The following NINJ2 variants were observed in gnomAD, a reference collection of about 807,000 sequenced individuals.
NINJ2 encodes ninjurin-2.
A neutral mutation model predicts 11.7 loss-of-function variants in NINJ2; 12 were observed. The ratio of observed to expected loss-of-function variants is 1.02; its 90% CI spans 0.66 to 1.66. The LOEUF (loss-of-function observed/expected upper bound fraction) is 1.66, where lower values mean the gene tolerates loss of function less well. Among genes scored for constraint, NINJ2 ranks in the 40% most tolerant of loss-of-function variants. The pLI is 0.00. For synonymous variants in NINJ2, 93 were observed against 76.8 expected, an observed-to-expected ratio of 1.21 and a Z score of -1.10; for missense variants, 187 against 181.8, an observed-to-expected ratio of 1.03 and a Z score of -0.16.
chr12:655,366 T>C (rs901754104), intron 1 of NINJ2, among the ~76,000 whole-genome samples: 2 of 152,096 alleles, frequency 1.3e-5, no homozygotes, highest in African/African-American at 4.8e-5. Context: ...ATGTAGAAAA[T>C]CTAAATGAAC....
At chr12:609,789 A>AAAAAAAAAAAAAAGG (rs71439346) in intron 1 of NINJ2, among the ~76,000 whole-genome samples, 1 of 116,628 alleles carries the variant, frequency 8.6e-6, no homozygotes, top group Non-Finnish European at 1.8e-5. Context: ...AAAAAAAAAT[A>AAAAAAAAAAAAAAGG]GGGAAAACAA....
rs1565616192 is a variant in NINJ2, at chr12:566,046, G to A, written c.166C>T (p.Gln56Ter). Reference protein sequence around the residue: ...NAMRLKAVLEQGPSSHYYTTL... With the variant: ...NAMRLKAVLE ...GTGTAGTAGTGAGAGGATGGTCCCT[G>A]CTCCAGCACCGCCTTCAGCCGCATG... The change falls in exon 2 of 4, where the codon CAG (glutamine) becomes TAG (stop). Residue 56 changes from glutamine (Q) to a stop codon, truncating the protein, a stop_gained. Coordinates refer to ENST00000305108, the MANE Select transcript of NINJ2 (RefSeq NM_016533.6). LOFTEE classifies it high-confidence loss of function. 1.2e-6 allele frequency: 2 copies of A among 1,614,092 alleles called. No individual in the cohort carries two copies. Among genetic ancestry groups the A allele is most frequent in the Non-Finnish European group, 1.7e-6 (2 of 1,180,038 alleles).
chr12:596,645 G>A (rs1947790239), intron 1 of NINJ2, among the ~76,000 whole-genome samples: 1 of 152,214 alleles, frequency 6.6e-6, no homozygotes, highest in South Asian at 2.1e-4. Context: ...GTGGCAAGCT[G>A]AGTGCGGTGG....
At chr12:595,252 A>G (rs1947769172) in intron 1 of NINJ2, among the ~76,000 whole-genome samples, 1 of 152,230 alleles carries the variant, frequency 6.6e-6, no homozygotes, top group African/African-American at 2.4e-5. Context: ...ACAGTAGCAT[A>G]GGAGGAAATC....
At chr12:656,827 T>A (rs969624610) in intron 1 of NINJ2, among the ~76,000 whole-genome samples, 3 of 151,242 alleles carry the variant, frequency 2.0e-5, no homozygotes, top group Admixed American at 2.0e-4. Context: ...AATAGATCAA[T>A]GGAACAGAAT....
intron 1 of NINJ2, among the ~76,000 whole-genome samples, chr12:616,595 C>A (rs1284979085): frequency 2.0e-5 from 3 of 152,208 alleles, no homozygotes; most frequent in African/African-American, 7.2e-5. Context: ...AGGAAACCCA[C>A]CCCATTCCCC....
chr12:648,996 G>GTCCA (rs1555167441), intron 1 of NINJ2, among the ~76,000 whole-genome samples: 3 of 148,912 alleles, frequency 2.0e-5, no homozygotes, highest in Admixed American at 6.7e-5. Flanking sequence ...CTATCTATCT[G>GTCCA]TCTATCTATC....
intron 1 of NINJ2, among the ~76,000 whole-genome samples, chr12:648,430 T>A (rs1163228454): frequency 6.6e-6 from 1 of 152,186 alleles, no homozygotes; most frequent in African/African-American, 2.4e-5. Flanking sequence ...AGATACCCAA[T>A]GCCATGAAGA....
intron 1 of NINJ2, among the ~76,000 whole-genome samples, chr12:600,608 T>C (rs1202938569): frequency 6.6e-6 from 1 of 151,416 alleles, no homozygotes; most frequent in Middle Eastern, 3.2e-3. Context: ...GGAGAAACAG[T>C]TTGAAATTAG....
intron 1 of NINJ2, among the ~76,000 whole-genome samples, chr12:647,010 A>C (rs939445500): frequency 1.3e-5 from 2 of 152,138 alleles, no homozygotes; most frequent in African/African-American, 4.8e-5. Flanking sequence ...GTGATGCTGC[A>C]GACTTTGGGC....
At chr12:619,077 G>C (rs1948124698) in intron 1 of NINJ2, among the ~76,000 whole-genome samples, 1 of 152,216 alleles carries the variant, frequency 6.6e-6, no homozygotes, top group African/African-American at 2.4e-5. Flanking sequence ...TAGTTGGGGA[G>C]TGAGGTGCCC....
chr12:617,713 C>G (rs543935231), intron 1 of NINJ2, among the ~76,000 whole-genome samples: 23 of 152,200 alleles, frequency 1.5e-4, no homozygotes, highest in Non-Finnish European at 3.1e-4. Flanking sequence ...CGCTCACTCC[C>G]CAGGACGTTC....
chr12:626,950 T>C (rs56203073), intron 1 of NINJ2, among the ~76,000 whole-genome samples: 22,349 of 152,050 alleles, frequency 0.15, 2,056 homozygotes, highest in South Asian at 0.26. Context: ...GCAGGTGTGG[T>C]AAGACATGCC....
intron 1 of NINJ2, among the ~76,000 whole-genome samples, chr12:601,858 A>G (rs546915025): frequency 5.3e-4 from 80 of 152,250 alleles, no homozygotes; most frequent in Non-Finnish European, 1.0e-3. Flanking sequence ...AGCCTGAGCG[A>G]TAGAGTGCGA....
rs1384702295 is a variant in NINJ2 at position 663,345 on chromosome 12, C to T, written c.16G>A (p.Glu6Lys). Residue 6 changes from glutamate to lysine, a missense_variant, in exon 1 of 4, where the codon GAA (glutamate) becomes AAA (lysine). By Grantham distance (56) the Glu-to-Lys change is moderately conservative. Transcript: ENST00000305108. The part of the protein sequence containing the change: MESAR[E>K]NIDLQPGSSD... ...GAACTTACTTGAAGGTCGATGTTTT[C>T]TCTTGCTGATTCCATCTCGCTGCCC... 2.5e-6 allele frequency: 4 copies of T among 1,614,204 alleles called. No individual in the cohort carries two copies. The highest frequency in any genetic ancestry group is 3.4e-6 in the Non-Finnish European group (4 of 1,180,030).
At chr12:635,242 G>T (rs960359963) in intron 1 of NINJ2, among the ~76,000 whole-genome samples, 1 of 151,938 alleles carries the variant, frequency 6.6e-6, no homozygotes, top group Non-Finnish European at 1.5e-5. Flanking sequence ...GTAGAAACAG[G>T]GTTTCGCCAT....
chr12:608,429 T>C (rs1947967172), intron 1 of NINJ2, among the ~76,000 whole-genome samples: 1 of 152,208 alleles, frequency 6.6e-6, no homozygotes, highest in Admixed American at 6.5e-5. Flanking sequence ...ATATTTTAAT[T>C]CATCTACTTC....
At chr12:619,199 G>A (rs143380952) in intron 1 of NINJ2, among the ~76,000 whole-genome samples, 26 of 152,320 alleles carry the variant, frequency 1.7e-4, no homozygotes, top group African/African-American at 6.3e-4. Context: ...AGTTGATGGT[G>A]TGTGCAGCCC....
rs573535075 is a variant in NINJ2 at position 611,461 on chromosome 12, C to T, written c.34-45283G>A. Among the ~76,000 whole-genome samples the T allele has an allele frequency of 9.8e-4, 149 of 152,252 alleles. 1 individual carries two copies. The highest frequency in any genetic ancestry group is 2.0e-3 in the Non-Finnish European group (135 of 68,024). ...TACGCAATTCTCCTGCTTCAGCCTC[C>T]TGCATAGCTCAGATTGCAAGGGCAC... On this transcript the variant is annotated intron_variant, in intron 1 of 3. Transcript: ENST00000305108.
Sources: gnomAD v4.1 joint callset for allele counts (sites outside exome capture counted in the v4.1 genomes callset) on GRCh38, gnomAD v4.1.1 for gene constraint, MANE v1.5 for transcripts, NCBI Gene and HGNC (gene_info 2026-07-23, HGNC 2026-07-21) for gene names.